The following MCM6 variants were observed in gnomAD, a reference collection of about 807,000 sequenced individuals.
MCM6 encodes the protein DNA replication licensing factor MCM6.
In MCM6, 46 loss-of-function variants were observed where a neutral mutation model predicts 94.3. That is an observed-to-expected ratio of 0.49 (90% CI 0.39 to 0.62). MCM6 has a LOEUF of 0.62. Among genes scored for constraint, MCM6 ranks in the 20% least tolerant of loss-of-function variants. The probability of loss-of-function intolerance (pLI) is 0.00; values close to 1 mark genes in which losing one functional copy is unlikely to be tolerated. For missense variants in MCM6, 865 were observed against 1,017.9 expected, an observed-to-expected ratio of 0.85 and a Z score of 2.04; for synonymous variants, 335 against 351.9, an observed-to-expected ratio of 0.95 and a Z score of 0.54.
At chr2:135,857,028 G>A (rs1048109148) in intron 10 of MCM6, 145 bp from the exon 11 acceptor site, 5 of 681,974 alleles carry the variant, frequency 7.3e-6, no homozygotes, top group East Asian at 5.6e-5. Flanking sequence ...GAACTCCTAT[G>A]TGATTTTGGT....
intron 1 of MCM6, among the ~76,000 whole-genome samples, chr2:135,873,648 C>T (rs1048593063): frequency 6.4e-5 from 8 of 124,496 alleles, no homozygotes; most frequent in African/African-American, 2.0e-4. Flanking sequence ...TAAACAACTA[C>T]GTGCAAAGCC....
At position 135,876,322 on chromosome 2, in the gene MCM6, TG is replaced by T; in HGVS notation, c.43del (p.His15ThrfsTer35). The stretch of plus-strand genomic sequence containing the variant: ...GGCCACCTCGTCGCGGACCTCCAGG[TG>T]CTGGCTGCCGGCGCCCGGCTCCGCT... ...AAAEPGAGSQ[H>X]LEVRDEVAEK... On this transcript the variant is annotated frameshift_variant, in exon 1 of 17. Coordinates refer to ENST00000264156, the MANE Select transcript of MCM6 (RefSeq NM_005915.6). LOFTEE classifies it high-confidence loss of function. 6.2e-7 allele frequency: 1 copy of T among 1,610,590 alleles called. No homozygotes were observed. The highest frequency in any genetic ancestry group is 1.1e-5 in the South Asian group (1 of 90,974).
intron 11 of MCM6, 104 bp from the exon 12 acceptor site, chr2:135,853,019 A>G (rs1180207000): frequency 1.9e-6 from 2 of 1,028,718 alleles, no homozygotes; most frequent in African/African-American, 3.3e-5. Context: ...GCTCTAATAT[A>G]CCACTTAAAG....
chr2:135,864,916 T>G (rs1680062714), intron 7 of MCM6, 97 bp downstream of exon 7: 1 of 995,010 alleles, frequency 1.0e-6, no homozygotes. Flanking sequence ...CTAAAAACTT[T>G]CACAGTCTGA....
chr2:135,849,102 C>T (rs1679720156), intron 13 of MCM6, among the ~76,000 whole-genome samples: 1 of 152,192 alleles, frequency 6.6e-6, no homozygotes, highest in African/African-American at 2.4e-5. Context: ...GAACTGTTCA[C>T]AAATGTTTGC....
chr2:135,873,860 T>C (rs1048604830), intron 1 of MCM6, among the ~76,000 whole-genome samples: 17 of 152,270 alleles, frequency 1.1e-4, no homozygotes, highest in African/African-American at 3.8e-4. Context: ...AAGTTATACA[T>C]ATAAAAGGTG....
At chr2:135,862,218 T>C (rs1680007845) in intron 8 of MCM6, among the ~76,000 whole-genome samples, 2 of 152,040 alleles carry the variant, frequency 1.3e-5, no homozygotes, top group African/African-American at 4.8e-5. Context: ...ATTACAAGTA[T>C]GTATAATATG....
rs1575368377 is a variant in MCM6 at position 135,870,346 on chromosome 2, C to T, written c.270G>A (p.Leu90=). 6.2e-7 allele frequency: 1 copy of T among 1,613,782 alleles called. No individual in the cohort carries two copies. Among genetic ancestry groups the T allele is most frequent in the Non-Finnish European group, 8.5e-7 (1 of 1,179,748 alleles). ...TGACGAATGTTTTCAAGGCCCGACA[C>T]AGGTAAGGGTAAACTCTGAAAAACA... The part of the protein sequence containing the change: ...QEEFYRVYPY[L]CRALKTFVKD... Residue 90 remains leucine, a synonymous_variant, in exon 3 of 17, where the codon CTG becomes CTA. Transcript: ENST00000264156.
At chr2:135,876,096 G>A (rs879852375) in intron 1 of MCM6, among the ~76,000 whole-genome samples, 163 bp downstream of exon 1, 11 of 152,264 alleles carry the variant, frequency 7.2e-5, no homozygotes, top group Non-Finnish European at 1.6e-4. Context: ...CAGGCTCCTC[G>A]CGGCCGCCGG....
At chr2:135,870,215 G>A (rs1558763637) in intron 3 of MCM6, 36 bp downstream of exon 3, 2 of 1,485,300 alleles carry the variant, frequency 1.3e-6, no homozygotes, top group Non-Finnish European at 1.9e-6. Flanking sequence ...TATACCATTT[G>A]GTGAATTCCT....
chr2:135,856,654 G>C, intron 11 of MCM6, 74 bp downstream of exon 11: 1 of 1,480,498 alleles, frequency 6.8e-7, no homozygotes, highest in Admixed American at 1.9e-5. Context: ...ACCAGCTGTT[G>C]AGCAGTGTAT....
Position 135,840,909 on chromosome 2 carries a change from A to G in MCM6, c.2392T>C (p.Ser798Pro), listed in dbSNP as rs1679557661. ...IELTQAGLKG[S>P]TEGSESYEED... ...TCATAGCTCTCACTTCCCTCTGTGG[A>G]GCCTTTCAATCCAGCCTGGGTGAGC... Residue 798 changes from serine to proline, a missense_variant, in exon 17 of 17, where the codon TCC (serine) becomes CCC (proline). By Grantham distance (74) the Ser-to-Pro change is moderately conservative. Transcript: ENST00000264156. 5 of 1,614,022 alleles carry G rather than the reference A, an allele frequency of 3.1e-6. No homozygotes were observed. In the African/African-American group the frequency reaches 5.3e-5, roughly 17 times the overall value.
At chr2:135,842,816 G>A (rs1380505544) in intron 16 of MCM6, among the ~76,000 whole-genome samples, 1 of 152,174 alleles carries the variant, frequency 6.6e-6, no homozygotes, top group Non-Finnish European at 1.5e-5. Flanking sequence ...TGGGTATGGG[G>A]AAGACTGCTG....
rs752176648 is a variant in MCM6, at chr2:135,872,709, T to A, written c.242A>T (p.Glu81Val). 6.2e-7 allele frequency: 1 copy of A among 1,614,038 alleles called. No individual in the cohort carries two copies. Among genetic ancestry groups the A allele is most frequent in the South Asian group, 1.1e-5 (1 of 91,078 alleles). ...FNQQLSTTIQEEFYRVYPYLC... is the reference protein window; with the variant it reads ...FNQQLSTTIQVEFYRVYPYLC... ...AATATGCCCATACCTATAGAACTCC[T>A]CTTGAATGGTGGTGGAAAGTTGCTG... Residue 81 changes from glutamate (E) to valine (V), a missense_variant, in exon 2 of 17, where the codon GAG (glutamate) becomes GTG (valine). This residue lies in a region of MCM6 where 404 missense variants were observed against 451.9 expected (regional missense o/e 0.89). Coordinates refer to ENST00000264156, the MANE Select transcript of MCM6 (RefSeq NM_005915.6).
intron 4 of MCM6, among the ~76,000 whole-genome samples, chr2:135,867,507 T>A (rs1680113142): frequency 6.6e-6 from 1 of 152,208 alleles, no homozygotes; most frequent in African/African-American, 2.4e-5. Flanking sequence ...AGAATGATTA[T>A]CAGAGCAATA....
chr2:135,854,466 G>A (rs111837148), intron 11 of MCM6, among the ~76,000 whole-genome samples: 25,541 of 138,576 alleles, frequency 0.18, 2,549 homozygotes, highest in Middle Eastern at 0.43. Context: ...AGAGGCGGAG[G>A]TTGCAGTGAG....
intron 12 of MCM6, 35 bp downstream of exon 12, chr2:135,852,752 A>G: frequency 6.8e-7 from 1 of 1,466,270 alleles, no homozygotes. Context: ...TAATATACCC[A>G]TTATACCTTA....
intron 11 of MCM6, among the ~76,000 whole-genome samples, chr2:135,856,245 C>T (rs1176543813): frequency 6.6e-6 from 1 of 152,084 alleles, no homozygotes; most frequent in Non-Finnish European, 1.5e-5. Context: ...GAGTTCAAGA[C>T]CAGCCTGACC....
chr2:135,862,975 G>A (rs929043039), intron 7 of MCM6, among the ~76,000 whole-genome samples: 1 of 152,130 alleles, frequency 6.6e-6, no homozygotes, highest in South Asian at 2.1e-4. Context: ...AGATGTCACC[G>A]TGCCAGTGCT....
Sources: allele counts gnomAD v4.1 joint callset (sites outside exome capture counted in the v4.1 genomes callset), GRCh38; gene constraint gnomAD v4.1.1; regional missense constraint gnomAD v4.1.1; transcripts MANE v1.5; gene names NCBI Gene and HGNC (gene_info 2026-07-23, HGNC 2026-07-21).